The following MGST1 variants were observed in gnomAD, a reference collection of about 807,000 sequenced individuals.
The protein encoded by MGST1 is microsomal glutathione S-transferase 1, also known as glutathione S-transferase 12.
Under a neutral mutation model 8.9 loss-of-function variants are expected in MGST1, and 5 were observed. That is an observed-to-expected ratio of 0.56 (90% confidence interval 0.29 to 1.19). The LOEUF (loss-of-function observed/expected upper bound fraction) is 1.19. Ranked by LOEUF, MGST1 falls within the 50% of genes most tolerant of loss-of-function variation. The pLI, the probability that MGST1 is intolerant of heterozygous loss-of-function variation, is 0.08. For missense variants in MGST1, 182 were observed against 187.4 expected, an observed-to-expected ratio of 0.97 and a Z score of 0.17; for synonymous variants, 54 against 67.8, an observed-to-expected ratio of 0.80 and a Z score of 1.00.
chr12:16,547,013 A>G lies in MGST1; in HGVS notation n.483-42515A>G, dbSNP rs867789003. Reference sequence around the variant, plus strand: ...GCTATTCTTTGTACTGTTCAACACGAAAGTCTTACATCTTGATTATAAAAG... The same window carrying G: ...GCTATTCTTTGTACTGTTCAACACGGAAGTCTTACATCTTGATTATAAAAG... On this transcript the variant is annotated intron_variant and non_coding_transcript_variant, in intron 4 of 4. Transcript: ENST00000538857. The surrounding 1 kb of genome is among the most constrained non-coding windows in gnomAD (Gnocchi z 4.6). 1.1e-4 allele frequency among the ~76,000 whole-genome samples: 16 copies of G among 152,298 alleles called. No individual in the cohort carries two copies. The highest frequency in any genetic ancestry group is 6.8e-3 in the Middle Eastern group (2 of 294).
intron 1 of MGST1, chr12:16,399,426 T>G: frequency 6.5e-7 from 1 of 1,526,994 alleles, no homozygotes; most frequent in Non-Finnish European, 9.1e-7. Flanking sequence ...ACAACTTTCT[T>G]GGTCCGCTTT....
intron 1 of MGST1, among the ~76,000 whole-genome samples, chr12:16,351,126 T>C (rs1249878558): frequency 1.3e-5 from 2 of 152,218 alleles, no homozygotes; most frequent in South Asian, 2.1e-4. Flanking sequence ...GAGAATGTTT[T>C]AGTTTTAAAA....
chr12:16,473,351 A>G (rs1455785102), intron 4 of MGST1, among the ~76,000 whole-genome samples: 1 of 152,214 alleles, frequency 6.6e-6, no homozygotes, highest in Non-Finnish European at 1.5e-5. Flanking sequence ...TTGCCCACAT[A>G]TCAATAGGGC....
At chr12:16,564,207 G>C (rs951567099) in intron 4 of MGST1, among the ~76,000 whole-genome samples, 1 of 152,062 alleles carries the variant, frequency 6.6e-6, no homozygotes, top group Non-Finnish European at 1.5e-5. Context: ...TTTCTTAGGG[G>C]TAAGAACACG....
intron 3 of MGST1, among the ~76,000 whole-genome samples, chr12:16,359,212 A>T (rs924298631): frequency 6.6e-6 from 1 of 152,192 alleles, no homozygotes; most frequent in African/African-American, 2.4e-5. Context: ...TTTGCAGAAT[A>T]TGCCCCGTAC....
At chr12:16,426,258 G>A (rs759623464) in intron 1 of MGST1, among the ~76,000 whole-genome samples, 46 of 152,258 alleles carry the variant, frequency 3.0e-4, no homozygotes, top group Middle Eastern at 3.4e-3. Flanking sequence ...TCTTTCCTAA[G>A]CATACACTAT....
rs548746812 is a variant in MGST1, at chr12:16,445,842, G to A, written n.482+62238G>A. 4.6e-5 allele frequency among the ~76,000 whole-genome samples: 7 copies of A among 152,030 alleles called. No individual in the cohort carries two copies. In the South Asian group the frequency reaches 1.5e-3, roughly 32 times the overall value. On this transcript the variant is annotated intron_variant and non_coding_transcript_variant, in intron 4 of 4. Coordinates refer to the MGST1 transcript ENST00000538857. ...CACCAAACCTGAAATCTTTAAGGAC[G>A]ACACTAATATCCTTCATATCCTTAG...
chr12:16,360,471 G>C (rs1939939516), intron 3 of MGST1: 1 of 582,970 alleles, frequency 1.7e-6, no homozygotes. Flanking sequence ...ACCAAGATAT[G>C]TGACTTAAAG....
chr12:16,527,217 T>C (rs2137196462), intron 4 of MGST1, among the ~76,000 whole-genome samples: 1 of 152,128 alleles, frequency 6.6e-6, no homozygotes, highest in African/African-American at 2.4e-5. Flanking sequence ...TTTGCATGTA[T>C]TAAATAATAA....
intron 1 of MGST1, among the ~76,000 whole-genome samples, chr12:16,422,553 C>T (rs1266846969): frequency 6.6e-6 from 1 of 152,068 alleles, no homozygotes; most frequent in African/African-American, 2.4e-5. Flanking sequence ...GACAATGGGG[C>T]CTGGGTCACC....
downstream of MGST1, among the ~76,000 whole-genome samples, chr12:16,365,423 A>G (rs1472375988): frequency 6.6e-6 from 1 of 152,228 alleles, no homozygotes; most frequent in Non-Finnish European, 1.5e-5. Flanking sequence ...TTTCTCAAAC[A>G]GTACTTTTAA....
rs370232679 is a variant in MGST1, at chr12:16,403,085, T to G, written n.778+19481T>G. Among the ~76,000 whole-genome samples the G allele has an allele frequency of 2.6e-5, 4 of 152,176 alleles. No individual in the cohort carries two copies. The East Asian group carries it at 7.7e-4, about 29-fold the overall frequency. Reference sequence around the variant, plus strand: ...CATTTTTATCCTTGACTTAATCATTTTTAGCCTTTCAACTTCGTAATATGA... The same window carrying G: ...CATTTTTATCCTTGACTTAATCATTGTTAGCCTTTCAACTTCGTAATATGA... On this transcript the variant is annotated intron_variant and non_coding_transcript_variant, in intron 1 of 1. Transcript: ENST00000359720.
At chr12:16,387,530 A>ATT (rs34939041) in intron 1 of MGST1, among the ~76,000 whole-genome samples, 178 of 142,270 alleles carry the variant, frequency 1.3e-3, no homozygotes, top group South Asian at 3.6e-3. Context: ...CAGGTATACC[A>ATT]TTTTTTTTTT....
intron 3 of MGST1, among the ~76,000 whole-genome samples, chr12:16,375,314 G>A (rs1234777231): frequency 6.6e-6 from 1 of 152,152 alleles, no homozygotes; most frequent in Non-Finnish European, 1.5e-5. Flanking sequence ...TTGTTTTAAA[G>A]ATGTGACTTT....
At chr12:16,499,258 G>GAATGATT (rs1245573279) in intron 4 of MGST1, among the ~76,000 whole-genome samples, 1 of 152,138 alleles carries the variant, frequency 6.6e-6, no homozygotes. Flanking sequence ...ACTTCGAATA[G>GAATGATT]CTATTTGCAA....
At chr12:16,538,337 G>A (rs1941769961) in intron 4 of MGST1, among the ~76,000 whole-genome samples, 1 of 151,962 alleles carries the variant, frequency 6.6e-6, no homozygotes, top group South Asian at 2.1e-4. Context: ...AAGTCTCTAG[G>A]AGGCTCTAAA....
In MGST1 at chr12:16,585,528, T is replaced by C. The variant is rs913011823; in HGVS notation, n.483-4000T>C. On this transcript the variant is annotated intron_variant and non_coding_transcript_variant, in intron 4 of 4. Transcript: ENST00000538857. This position sits in a 1 kb window ranked among gnomAD's most constrained non-coding sequence, Gnocchi z 4.7. Reference sequence around the variant, plus strand: ...TACATATAATTGCAGATTAGAAAACTAATTTCATCACAATCTCCCCTTTCC... The same window carrying C: ...TACATATAATTGCAGATTAGAAAACCAATTTCATCACAATCTCCCCTTTCC... Among the ~76,000 whole-genome samples, 7 of 152,334 alleles carry C rather than the reference T, an allele frequency of 4.6e-5. No homozygotes were observed. Among genetic ancestry groups the C allele is most frequent in the Admixed American group, 2.6e-4 (4 of 15,288 alleles).
At chr12:16,383,496 T>C (rs542695263) in exon 1 of MGST1, 99 of 146,476 alleles carry the variant, frequency 6.8e-4, no homozygotes, top group African/African-American at 2.7e-3. Flanking sequence ...AGTTTTGTTC[T>C]TGTTGTCCAG....
intron 3 of MGST1, among the ~76,000 whole-genome samples, chr12:16,373,875 G>A (rs1348029841): frequency 6.6e-6 from 1 of 152,058 alleles, no homozygotes; most frequent in East Asian, 1.9e-4. Context: ...GTTGTTAAAG[G>A]ATTGAAATAT....
Sources: gnomAD v4.1 joint callset for allele counts (sites outside exome capture counted in the v4.1 genomes callset) on GRCh38, gnomAD v4.1.1 for gene constraint, Gnocchi (gnomAD v3.1) non-coding constraint, MANE v1.5 for transcripts, NCBI Gene and HGNC (gene_info 2026-07-23, HGNC 2026-07-21) for gene names.